The following EDARADD variants were observed in gnomAD, a reference collection of about 807,000 sequenced individuals.
The protein encoded by EDARADD is EDAR associated via death domain.
EDARADD carries 20 observed loss-of-function variants against 25.6 expected under a neutral mutation model. The ratio of observed to expected loss-of-function variants is 0.78; its 90% CI spans 0.55 to 1.14. The LOEUF is 1.14. EDARADD is among the 50% of genes most tolerant of loss of function. The probability of loss-of-function intolerance (pLI) is 0.00; values close to 1 mark genes in which losing one functional copy is unlikely to be tolerated. For missense variants in EDARADD, 225 were observed against 270.1 expected, an observed-to-expected ratio of 0.83 and a Z score of 1.17; for synonymous variants, 86 against 94.4, an observed-to-expected ratio of 0.91 and a Z score of 0.52.
intron 5 of EDARADD, among the ~76,000 whole-genome samples, chr1:236,480,283 C>T (rs940290153): frequency 4.6e-5 from 7 of 151,744 alleles, no homozygotes; most frequent in Non-Finnish European, 7.4e-5. Context: ...AATATTCCAT[C>T]AAGTAGCACA....
intron 3 of EDARADD, among the ~76,000 whole-genome samples, chr1:236,379,254 C>T (rs548634804): frequency 5.3e-5 from 8 of 152,046 alleles, no homozygotes; most frequent in Non-Finnish European, 1.0e-4. Flanking sequence ...TCTGTAATCC[C>T]AGCTACTTGG....
chr1:236,378,112 C>A (rs543941796), intron 3 of EDARADD, among the ~76,000 whole-genome samples: 1 of 152,150 alleles, frequency 6.6e-6, no homozygotes, highest in African/African-American at 2.4e-5. Flanking sequence ...ACCCACCCCC[C>A]TTTAGGTGGG....
rs1329974382 is a variant in EDARADD, at chr1:236,484,477, G to T, written c.*1828G>T. 6.2e-7 allele frequency: 1 copy of T among 1,606,264 alleles called. No homozygotes were observed. Among genetic ancestry groups the T allele is most frequent in the East Asian group, 2.2e-5 (1 of 44,832 alleles). On this transcript the variant is annotated 3_prime_UTR_variant, in exon 6 of 6. Coordinates refer to ENST00000334232, the MANE Select transcript of EDARADD (RefSeq NM_145861.4). The surrounding 1 kb of genome is among the most constrained non-coding windows in gnomAD (Gnocchi z 4.1). ...AACCCCCCAGCCAAGTAAGCTGTGG[G>T]CAGGCAAGCCCTTCAGTCACCTGGT...
intron 5 of EDARADD, among the ~76,000 whole-genome samples, chr1:236,480,438 G>A (rs1659640422): frequency 6.6e-6 from 1 of 152,024 alleles, no homozygotes; most frequent in African/African-American, 2.4e-5. Context: ...AGTCACATTA[G>A]TAGGTCAAAG....
chr1:236,417,962 C>CT lies in EDARADD; in HGVS notation c.160+3672dup, dbSNP rs60224366. On this transcript the variant is annotated intron_variant, in intron 3 of 5. Transcript: ENST00000334232. ...TTTTTTTCTCTTCTTTTCTTTTTTT[C>CT]TTTTTTTTTGAGACGGATTCTCGCT... Among the ~76,000 whole-genome samples, 72 of 139,484 alleles carry CT rather than the reference C, an allele frequency of 5.2e-4. 1 individual carries two copies. The highest frequency in any genetic ancestry group is 3.8e-3 in the Middle Eastern group (1 of 260). 91.5% of individuals were successfully genotyped at this position (139,484 alleles called of 152,430 possible).
In EDARADD at chr1:236,382,386, G is replaced by T. The variant is rs899238792; in HGVS notation, c.-5-26830G>T. Among the ~76,000 whole-genome samples, 3 of 152,150 alleles carry T rather than the reference G, an allele frequency of 2.0e-5. No individual in the cohort carries two copies. The East Asian group carries it at 5.8e-4, about 29-fold the overall frequency. ...CTCTACTTAGCTTGTTGAACCCATG[G>T]ACTACAGTTACAATAAAAGTTTTAA... On this transcript the variant is annotated intron_variant, in intron 3 of 7. Coordinates refer to the EDARADD transcript ENST00000439430.
intron 2 of EDARADD, among the ~76,000 whole-genome samples, chr1:236,411,270 G>A (rs145598734): frequency 7.2e-4 from 110 of 152,278 alleles, no homozygotes; most frequent in African/African-American, 2.2e-3. Context: ...TTTCACAATA[G>A]AAATGTATTT....
Position 236,483,413 on chromosome 1 carries a change from C to T in EDARADD, c.*764C>T, listed in dbSNP as rs11544500. ...CTGTCCTGGTTAGCAAGAAACTGAA[C>T]GTCACAGAACAAGAGAAGATTGACA... On this transcript the variant is annotated 3_prime_UTR_variant, in exon 6 of 6. Coordinates refer to ENST00000334232, the MANE Select transcript of EDARADD (RefSeq NM_145861.4). 3.1e-5 allele frequency: 36 copies of T among 1,172,812 alleles called. No homozygotes were observed. Among genetic ancestry groups the T allele is most frequent in the Admixed American group, 3.0e-4 (18 of 59,176 alleles). The allele number at this position is 1,172,812 out of a possible 1,614,324, so 72.7% of individuals were successfully genotyped here. A position where few individuals can be genotyped will look rare whatever the true frequency, so the allele number is the denominator to read the frequency against.
At chr1:236,479,175 G>GA (rs1198944761) in intron 5 of EDARADD, among the ~76,000 whole-genome samples, 3 of 151,460 alleles carry the variant, frequency 2.0e-5, no homozygotes, top group East Asian at 3.9e-4. Context: ...AATTAAAAAA[G>GA]AAAAAAGAAA....
chr1:236,366,800 G>A (rs1473317320), intron 3 of EDARADD, among the ~76,000 whole-genome samples: 1 of 147,850 alleles, frequency 6.8e-6, no homozygotes, highest in African/African-American at 2.5e-5. Flanking sequence ...TGTCTGGCCA[G>A]GCGCGGTGGC....
rs61333307 is a variant in EDARADD, at chr1:236,445,234, C to CTTTTTTTTTTTATTTTTT, written c.219+17795_219+17796insATTTTTTTTTTTTTTTTT. On this transcript the variant is annotated intron_variant, in intron 4 of 5. Transcript: ENST00000334232. ...TGCATTAGCTGGGACATAATAAATT[C>CTTTTTTTTTTTATTTTTT]TTTTTTTTTTTGAGACAGAGTCTTG... Among the ~76,000 whole-genome samples, 2 of 89,698 alleles carry CTTTTTTTTTTTATTTTTT rather than the reference C, an allele frequency of 2.2e-5. 1 individual carries two copies. Among genetic ancestry groups the CTTTTTTTTTTTATTTTTT allele is most frequent in the Non-Finnish European group, 4.8e-5 (2 of 41,736 alleles). 58.8% of individuals were successfully genotyped at this position (89,698 alleles called of 152,430 possible).
At chr1:236,480,909 C>G (rs960969760) in intron 5 of EDARADD, among the ~76,000 whole-genome samples, 1 of 152,204 alleles carries the variant, frequency 6.6e-6, no homozygotes, top group African/African-American at 2.4e-5. Context: ...TAGGCGCATG[C>G]TCTTCATGCT....
chr1:236,418,447 G>T (rs1657699102), intron 3 of EDARADD, among the ~76,000 whole-genome samples: 1 of 151,716 alleles, frequency 6.6e-6, no homozygotes, highest in Non-Finnish European at 1.5e-5. Flanking sequence ...GTTTCACCAT[G>T]TTGGCCAGGC....
At chr1:236,466,935 C>T (rs564908680) in intron 4 of EDARADD, among the ~76,000 whole-genome samples, 74 of 152,080 alleles carry the variant, frequency 4.9e-4, no homozygotes, top group Non-Finnish European at 9.0e-4. Context: ...GGCGTGGTGG[C>T]GGGTGGCTGT....
chr1:236,363,006 A>AAAAATATATAT (rs1377112051), intron 3 of EDARADD, among the ~76,000 whole-genome samples: 3 of 42,948 alleles, frequency 7.0e-5, no homozygotes, highest in African/African-American at 3.3e-4. Context: ...AAAAAAAAAA[A>AAAAATATATAT]ATATATATAT....
At position 236,483,054 on chromosome 1, in the gene EDARADD, T is replaced by G; in HGVS notation, c.*405T>G. The G allele has an allele frequency of 2.7e-6, 2 of 727,970 alleles. No individual in the cohort carries two copies. The highest frequency in any genetic ancestry group is 1.7e-5 in the South Asian group (1 of 59,170). The allele number at this position is 727,970 out of a possible 1,614,324, so 45.1% of individuals were successfully genotyped here. A position where few individuals can be genotyped will look rare whatever the true frequency, so the allele number is the denominator to read the frequency against. ...TATATGTAACATCTCTCCTGATCAG[T>G]GCCATTCCCACGGTTTCAAAGAAAA... is the stretch of plus-strand genomic sequence containing the variant. On this transcript the variant is annotated 3_prime_UTR_variant, in exon 6 of 6. Transcript: ENST00000334232.
rs551568209 is a variant in EDARADD at position 236,348,286 on chromosome 1, T to C, written c.-384+2T>C. 2 of 152,192 alleles carry C rather than the reference T, an allele frequency of 1.3e-5. No homozygotes were observed. The highest frequency in any genetic ancestry group is 2.9e-5 in the Non-Finnish European group (2 of 68,082). The allele number at this position is 152,192 out of a possible 1,614,324, so 9.4% of individuals were successfully genotyped here. On this transcript the variant is annotated splice_donor_variant, in intron 1 of 7. Coordinates refer to the EDARADD transcript ENST00000439430. LOFTEE classifies it low-confidence loss of function (5UTR_SPLICE). ...GTTCTGATCCCGGACGACCGTAAGG[T>C]AGGGCCCTACAGACTGACTGGGGAG...
intron 1 of EDARADD, among the ~76,000 whole-genome samples, chr1:236,348,508 T>A (rs1340187442): frequency 6.6e-6 from 1 of 152,238 alleles, no homozygotes; most frequent in East Asian, 1.9e-4. Context: ...CATCCCCGGT[T>A]ACAGCCTCTA....
intron 4 of EDARADD, among the ~76,000 whole-genome samples, chr1:236,445,844 C>T (rs1658522502): frequency 6.6e-6 from 1 of 152,046 alleles, no homozygotes; most frequent in African/African-American, 2.4e-5. Context: ...AGGTGGGAGC[C>T]CAGGTTTTCT....
Sources: gnomAD v4.1 joint callset for allele counts (sites outside exome capture counted in the v4.1 genomes callset) on GRCh38, gnomAD v4.1.1 for gene constraint, Gnocchi (gnomAD v3.1) non-coding constraint, MANE v1.5 for transcripts, NCBI Gene and HGNC (gene_info 2026-07-23, HGNC 2026-07-21) for gene names.